TTC8: variants seen among roughly 807,000 people sequenced by gnomAD.
TTC8 encodes tetratricopeptide repeat domain 8.
In TTC8, 47 loss-of-function variants were observed where a neutral mutation model predicts 72.5. The observed-to-expected ratio is 0.65, with a 90% CI of 0.51 to 0.83. The LOEUF (loss-of-function observed/expected upper bound fraction) is 0.83, where lower values mean the gene tolerates loss of function less well. TTC8 is among the 40% of genes least tolerant of loss of function. The pLI, the probability that TTC8 is intolerant of heterozygous loss-of-function variation, is 0.00. For synonymous variants in TTC8, 199 were observed against 221.4 expected (o/e 0.90, Z 0.90); for missense variants, 611 against 623.2 (o/e 0.98, Z 0.21).
intron 7 of TTC8, among the ~76,000 whole-genome samples, chr14:88,845,427 G>A (rs1261408045): frequency 6.6e-6 from 1 of 152,204 alleles, no homozygotes; most frequent in African/African-American, 2.4e-5. Context: ...CATTGCATGT[G>A]TTGGGAGATG....
intron 10 of TTC8, among the ~76,000 whole-genome samples, chr14:88,867,252 T>G (rs1044761648): frequency 6.6e-6 from 1 of 152,198 alleles, no homozygotes; most frequent in Non-Finnish European, 1.5e-5. Flanking sequence ...TTATAGCATG[T>G]TTTTTGGTTA....
chr14:88,837,999 A>C (rs1168732779), intron 2 of TTC8, among the ~76,000 whole-genome samples: 1 of 152,242 alleles, frequency 6.6e-6, no homozygotes, highest in South Asian at 2.1e-4. Flanking sequence ...TAAATAATCC[A>C]GTAAACCTCA....
At chr14:88,880,072 A>C (rs1416931677), downstream of TTC8, 1 of 152,200 alleles carries the variant, frequency 6.6e-6, no homozygotes, top group African/African-American at 2.4e-5. Context: ...CATTCAGAAA[A>C]CAAATATTTT....
chr14:88,838,957 G>C (rs999009638), intron 2 of TTC8, among the ~76,000 whole-genome samples: 5 of 152,196 alleles, frequency 3.3e-5, no homozygotes, highest in Middle Eastern at 3.4e-3. Flanking sequence ...AAGTTTGCTA[G>C]AGTGTTTTTC....
chr14:88,858,334 G>C (rs1007474714), intron 9 of TTC8, among the ~76,000 whole-genome samples: 5 of 152,054 alleles, frequency 3.3e-5, no homozygotes, highest in Non-Finnish European at 7.4e-5. Flanking sequence ...AAACACAAGT[G>C]GTGGTGATGA....
chr14:88,830,394 A>T (rs958430371), intron 1 of TTC8, among the ~76,000 whole-genome samples: 1 of 152,200 alleles, frequency 6.6e-6, no homozygotes, highest in African/African-American at 2.4e-5. Context: ...ATCTTCCATC[A>T]CTGGGAGTCA....
In TTC8 at chr14:88,841,085, C is replaced by T; in HGVS notation, c.378C>T (p.Ser126=). 1 of 1,614,156 alleles carries T rather than the reference C, an allele frequency of 6.2e-7. No homozygotes were observed. Among genetic ancestry groups the T allele is most frequent in the Admixed American group, 1.7e-5 (1 of 60,008 alleles). The stretch of plus-strand genomic sequence containing the variant: ...CCATTACAGGTTTCCTCAGGCCCAG[C>T]ACGCAGAGTGGAAGGCCAGGCACTA... ...GRPITGFLRP[S]TQSGRPGTME... is the part of the protein sequence containing the mutation. The change falls in exon 5 of 15, where the codon AGC becomes AGT. Residue 126 remains serine (S), a synonymous_variant. Coordinates refer to ENST00000380656, the MANE Select transcript of TTC8 (RefSeq NM_144596.4).
chr14:88,833,126 A>G (rs2094734043), intron 1 of TTC8, among the ~76,000 whole-genome samples: 1 of 152,242 alleles, frequency 6.6e-6, no homozygotes, highest in South Asian at 2.1e-4. Context: ...TTTCCCCAGT[A>G]AAACAGATTG....
chr14:88,868,342 A>G (rs996498827), intron 10 of TTC8, among the ~76,000 whole-genome samples: 1 of 152,230 alleles, frequency 6.6e-6, no homozygotes, highest in African/African-American at 2.4e-5. Flanking sequence ...ATATTAATCT[A>G]TATAACTTAC....
At chr14:88,860,263 C>T (rs1004931023) in intron 9 of TTC8, among the ~76,000 whole-genome samples, 3 of 151,872 alleles carry the variant, frequency 2.0e-5, no homozygotes, top group Non-Finnish European at 4.4e-5. Context: ...GATTTTTTCT[C>T]AAAGCACACC....
rs1279342850 is a variant in TTC8 at position 88,839,494 on chromosome 14, T to C, written c.187T>C (p.Tyr63His). 1 of 1,613,312 alleles carries C rather than the reference T, an allele frequency of 6.2e-7. No individual in the cohort carries two copies. ...LKARALTEMV[Y>H]IDEIDVDQEG... ...AGCAAGAGCGCTAACAGAAATGGTA[T>C]ACATAGATGAAATTGATGTAGATCA... is the stretch of plus-strand genomic sequence containing the variant. The change falls in exon 3 of 15, where the codon TAC (tyrosine) becomes CAC (histidine). Residue 63 changes from tyrosine to histidine, a missense_variant. Transcript: ENST00000380656.
At chr14:88,829,360 G>A (rs2038429015) in intron 1 of TTC8, among the ~76,000 whole-genome samples, 1 of 152,202 alleles carries the variant, frequency 6.6e-6, no homozygotes, top group African/African-American at 2.4e-5. Flanking sequence ...GTACAGCACT[G>A]TGACCTAGAG....
At position 88,871,642 on chromosome 14, in the gene TTC8, C is replaced by T. The variant is rs1427115411; in HGVS notation, c.1143C>T (p.Thr381=). 2 of 1,613,974 alleles carry T rather than the reference C, an allele frequency of 1.2e-6. No homozygotes were observed. The highest frequency in any genetic ancestry group is 2.7e-5 in the African/African-American group (2 of 74,906). The change falls in exon 12 of 15, where the codon ACC becomes ACT. Residue 381 remains threonine (T), a synonymous_variant. Transcript: ENST00000380656. The surrounding 1 kb of genome is among the most constrained non-coding windows in gnomAD (Gnocchi z 4.1). ...CCCAGCAGTATGATATGACTCTGAC[C>T]TCATTTGAACGTGCCCTTTCTTTGG... ...FYAQQYDMTL[T]SFERALSLAE...
chr14:88,825,973 T>A (rs1002972861), intron 1 of TTC8, among the ~76,000 whole-genome samples: 12 of 150,866 alleles, frequency 8.0e-5, no homozygotes, highest in Non-Finnish European at 1.0e-4. Flanking sequence ...TTTTTTTAAA[T>A]TTTTTTTATT....
At chr14:88,833,609 C>A in intron 1 of TTC8, 84 bp from the exon 2 acceptor site, 1 of 1,241,010 alleles carries the variant, frequency 8.1e-7, no homozygotes, top group Non-Finnish European at 1.2e-6. Context: ...AGTTCACCTA[C>A]AAATACTTGG....
intron 9 of TTC8, among the ~76,000 whole-genome samples, chr14:88,860,686 T>TCACA (rs2094881564): frequency 6.6e-6 from 1 of 152,246 alleles, no homozygotes; most frequent in Non-Finnish European, 1.5e-5. Context: ...AATAGTAAAC[T>TCACA]CACAGTAAGC....
chr14:88,840,760 A>G (rs2094776408), intron 3 of TTC8, 105 bp from the exon 4 acceptor site: 1 of 1,075,636 alleles, frequency 9.3e-7, no homozygotes, highest in South Asian at 1.3e-5. Flanking sequence ...CTTGCTATTA[A>G]TGTCTTTTTC....
In TTC8 at chr14:88,824,689, G is replaced by C; in HGVS notation, c.-19G>C. Reference sequence around the variant, plus strand: ...CTCTCTCCTGGAGCGCTGGGCCTTCGCTGGCCGCACCGGCAGCCATGAGCT... The same window carrying C: ...CTCTCTCCTGGAGCGCTGGGCCTTCCCTGGCCGCACCGGCAGCCATGAGCT... On this transcript the variant is annotated 5_prime_UTR_variant, in exon 1 of 15. Coordinates refer to ENST00000380656, the MANE Select transcript of TTC8 (RefSeq NM_144596.4). The C allele has an allele frequency of 2.5e-6, 4 of 1,580,574 alleles. No homozygotes were observed. The highest frequency in any genetic ancestry group is 3.4e-6 in the Non-Finnish European group (4 of 1,161,190).
In TTC8 at chr14:88,841,060, C is replaced by G; in HGVS notation, c.353C>G (p.Pro118Arg). 1.9e-6 allele frequency: 3 copies of G among 1,614,026 alleles called. No homozygotes were observed. The highest frequency in any genetic ancestry group is 2.5e-6 in the Non-Finnish European group (3 of 1,179,986). ...AVRPITQAGR[P>R]ITGFLRPSTQ... ...AGGCCAATCACACAAGCTGGAAGAC[C>G]CATTACAGGTTTCCTCAGGCCCAGC... Residue 118 changes from proline to arginine, a missense_variant, in exon 5 of 15, where the codon CCC becomes CGC. Pro to Arg is a moderately radical substitution (Grantham distance 103). Coordinates refer to ENST00000380656, the MANE Select transcript of TTC8 (RefSeq NM_144596.4).
Sources: gnomAD v4.1 joint callset for allele counts (sites outside exome capture counted in the v4.1 genomes callset) on GRCh38, gnomAD v4.1.1 for gene constraint, Gnocchi (gnomAD v3.1) non-coding constraint, MANE v1.5 for transcripts, NCBI Gene and HGNC (gene_info 2026-07-23, HGNC 2026-07-21) for gene names.